PRKN: variants seen among roughly 807,000 people sequenced by gnomAD.
The protein encoded by PRKN is parkin RBR E3 ubiquitin protein ligase.
In PRKN, 56 loss-of-function variants were observed where a neutral mutation model predicts 59.5. The observed-to-expected ratio is 0.94, with a 90% CI of 0.76 to 1.18. PRKN has a LOEUF of 1.18. PRKN is among the 50% of genes most tolerant of loss of function. The pLI, the probability that PRKN is intolerant of heterozygous loss-of-function variation, is 0.00. For synonymous variants in PRKN, 250 were observed against 222.1 expected (o/e 1.13, Z -1.12); for missense variants, 657 against 596.4 (o/e 1.10, Z -1.06).
At chr6:161,664,094 G>A (rs1349391189) in intron 7 of PRKN, among the ~76,000 whole-genome samples, 1 of 152,190 alleles carries the variant, frequency 6.6e-6, no homozygotes, top group Non-Finnish European at 1.5e-5. Flanking sequence ...TGGGAGGCAA[G>A]CTTCTCCAAT....
intron 4 of PRKN, among the ~76,000 whole-genome samples, chr6:162,155,356 C>A (rs563770321): frequency 2.4e-4 from 37 of 152,256 alleles, no homozygotes; most frequent in Admixed American, 1.5e-3. Flanking sequence ...GCAAATTAAT[C>A]CTGATTCGTC....
intron 4 of PRKN, among the ~76,000 whole-genome samples, chr6:162,185,459 AT>A (rs1783986647): frequency 6.6e-6 from 1 of 152,206 alleles, no homozygotes; most frequent in African/African-American, 2.4e-5. Flanking sequence ...TCATTATTAA[AT>A]GTTTTTCATG....
chr6:161,610,621 T>A (rs181440381), intron 7 of PRKN, among the ~76,000 whole-genome samples: 2 of 151,788 alleles, frequency 1.3e-5, no homozygotes, highest in Non-Finnish European at 2.9e-5. Context: ...CAACCCAGGA[T>A]GTTGTGTTGC....
chr6:162,497,812 T>C (rs981243413), intron 1 of PRKN, among the ~76,000 whole-genome samples: 4 of 152,162 alleles, frequency 2.6e-5, no homozygotes, highest in African/African-American at 7.2e-5. Flanking sequence ...GAAGTGAGTA[T>C]AGATAGAAGG....
intron 7 of PRKN, among the ~76,000 whole-genome samples, chr6:161,704,179 T>C (rs1276005276): frequency 6.6e-6 from 1 of 151,998 alleles, no homozygotes; most frequent in South Asian, 2.1e-4. Context: ...TTTGTTTAGT[T>C]CAGGGATGGA....
At chr6:161,887,843 T>C (rs553694644) in intron 6 of PRKN, among the ~76,000 whole-genome samples, 13 of 152,288 alleles carry the variant, frequency 8.5e-5, no homozygotes, top group East Asian at 1.9e-4. Context: ...TTACCAGATA[T>C]AGAAATATCT....
At chr6:161,536,197 G>A (rs1775735658) in intron 9 of PRKN, among the ~76,000 whole-genome samples, 1 of 152,030 alleles carries the variant, frequency 6.6e-6, no homozygotes, top group African/African-American at 2.4e-5. Flanking sequence ...AATTTAACTG[G>A]CTTAAATAGA....
At chr6:161,469,577 G>GAA (rs1240033302) in intron 9 of PRKN, among the ~76,000 whole-genome samples, 1 of 151,412 alleles carries the variant, frequency 6.6e-6, no homozygotes, top group African/African-American at 2.5e-5. Context: ...GAGAGAAAGA[G>GAA]AGAGAGAAAG....
rs112761279 is a variant in PRKN at position 161,466,350 on chromosome 6, T to G, written c.1084-79473A>C. 0.01 allele frequency among the ~76,000 whole-genome samples: 1,567 copies of G among 152,364 alleles called. 34 individuals carry two copies. The highest frequency in any genetic ancestry group is 0.036 in the African/African-American group (1,507 of 41,588). On this transcript the variant is annotated intron_variant, in intron 9 of 11. Coordinates refer to ENST00000366898, the MANE Select transcript of PRKN (RefSeq NM_004562.3). This position sits in a 1 kb window ranked among gnomAD's most constrained non-coding sequence, Gnocchi z 5.0. ...TAATTTTCTTCACTTAGGTTTTTTT[T>G]GATCTCAGCTCTCTGATGGGTTAAA...
At chr6:162,300,063 G>T (rs904216171) in intron 2 of PRKN, among the ~76,000 whole-genome samples, 2 of 151,686 alleles carry the variant, frequency 1.3e-5, no homozygotes, top group African/African-American at 4.8e-5. Flanking sequence ...TACTGAACAC[G>T]TGTAGTAGCA....
rs1374256695 is a variant in PRKN at position 161,377,457 on chromosome 6, G to C, written c.1167+9337C>G. Among the ~76,000 whole-genome samples the C allele has an allele frequency of 6.6e-6, 1 of 152,240 alleles. No individual in the cohort carries two copies. The highest frequency in any genetic ancestry group is 1.5e-5 in the Non-Finnish European group (1 of 68,046). On this transcript the variant is annotated intron_variant, in intron 10 of 11. Transcript: ENST00000366898. This position sits in a 1 kb window ranked among gnomAD's most constrained non-coding sequence, Gnocchi z 4.2. ...TGACACACTGAGGGATCCAAGCTTG[G>C]TTCACAATTGAGTTAGCTTAACATA...
At chr6:161,572,589 G>A (rs1306006984) in intron 7 of PRKN, among the ~76,000 whole-genome samples, 1 of 152,174 alleles carries the variant, frequency 6.6e-6, no homozygotes. Context: ...GAACCTGGGA[G>A]GCAGAGGTTG....
intron 4 of PRKN, among the ~76,000 whole-genome samples, chr6:162,087,589 CTTTTT>C (rs35184111): frequency 7.6e-4 from 78 of 102,700 alleles, no homozygotes; most frequent in East Asian, 1.6e-3. Flanking sequence ...AGAATAATTT[CTTTTT>C]TTTTTTTTTT....
chr6:162,678,394 GGTTTCT>G (rs1162967808), intron 1 of PRKN, among the ~76,000 whole-genome samples: 1 of 152,136 alleles, frequency 6.6e-6, no homozygotes, highest in African/African-American at 2.4e-5. Flanking sequence ...TTCCCAAAGT[GGTTTCT>G]CCATTTTCCA....
chr6:161,783,487 T>C (rs1005749143), intron 7 of PRKN, among the ~76,000 whole-genome samples: 5 of 152,158 alleles, frequency 3.3e-5, no homozygotes, highest in African/African-American at 1.2e-4. Context: ...TCCTGACTAA[T>C]GGGTGCAGGA....
At chr6:162,111,292 C>T (rs1195106592) in intron 4 of PRKN, among the ~76,000 whole-genome samples, 9 of 151,992 alleles carry the variant, frequency 5.9e-5, no homozygotes, top group Non-Finnish European at 8.8e-5. Context: ...AGTGAAACCC[C>T]GTCTCTACTA....
At chr6:161,520,136 G>A (rs1282253417) in intron 9 of PRKN, among the ~76,000 whole-genome samples, 3 of 151,882 alleles carry the variant, frequency 2.0e-5, no homozygotes, top group East Asian at 1.9e-4. Context: ...ATGAGTCTTC[G>A]ATGACAAATG....
At chr6:161,967,412 T>C (rs936713474) in intron 6 of PRKN, among the ~76,000 whole-genome samples, 1 of 152,156 alleles carries the variant, frequency 6.6e-6, no homozygotes, top group Non-Finnish European at 1.5e-5. Context: ...CTGCAGTCCT[T>C]AGAACCAGTC....
chr6:162,176,210 T>A (rs1783525507), intron 4 of PRKN, among the ~76,000 whole-genome samples: 1 of 152,148 alleles, frequency 6.6e-6, no homozygotes, highest in Non-Finnish European at 1.5e-5. Context: ...AATAATCTAA[T>A]AAAGAATAAA....
Sources: gnomAD v4.1 joint callset for allele counts (sites outside exome capture counted in the v4.1 genomes callset) on GRCh38, gnomAD v4.1.1 for gene constraint, Gnocchi (gnomAD v3.1) non-coding constraint, MANE v1.5 for transcripts, NCBI Gene and HGNC (gene_info 2026-07-23, HGNC 2026-07-21) for gene names.